MTA3: variants seen among roughly 807,000 people sequenced by gnomAD.
MTA3 encodes the protein metastasis-associated protein MTA3.
MTA3 carries 34 observed loss-of-function variants against 83.5 expected under a neutral mutation model. That is an observed-to-expected ratio of 0.41 (90% CI 0.31 to 0.54). MTA3 has a LOEUF of 0.54. Ranked by LOEUF, MTA3 falls within the 20% of genes least tolerant of loss-of-function variation. The pLI, the probability that MTA3 is intolerant of heterozygous loss-of-function variation, is 0.33. For missense variants in MTA3, 761 were observed against 726.4 expected, an observed-to-expected ratio of 1.05 and a Z score of -0.55; for synonymous variants, 303 against 252.7, an observed-to-expected ratio of 1.20 and a Z score of -1.89.
chr2:42,581,360 CTTTTTTTTTTTTTTT>C (rs778419810), intron 3 of MTA3, among the ~76,000 whole-genome samples: 2 of 88,266 alleles, frequency 2.3e-5, no homozygotes, highest in African/African-American at 9.0e-5. Flanking sequence ...TCCCAAATTG[CTTTTTTTTTTTTTTT>C]TTTTTTTTTT....
intron 8 of MTA3, among the ~76,000 whole-genome samples, chr2:42,670,950 G>A (rs1015579854): frequency 2.0e-5 from 3 of 151,764 alleles, no homozygotes; most frequent in Non-Finnish European, 4.4e-5. Context: ...ATTCAGATTT[G>A]TTAGTTGTCC....
intron 2 of MTA3, among the ~76,000 whole-genome samples, chr2:42,496,125 C>G (rs1334917162): frequency 6.6e-6 from 1 of 152,166 alleles, no homozygotes; most frequent in Admixed American, 6.5e-5. Flanking sequence ...TAGAATCCTT[C>G]TACTGTCTGT....
intron 3 of MTA3, among the ~76,000 whole-genome samples, chr2:42,606,898 C>G (rs1374679549): frequency 1.4e-5 from 2 of 147,768 alleles, no homozygotes; most frequent in African/African-American, 2.5e-5. Context: ...GCCAACACAG[C>G]GAAACCCCGT....
chr2:42,611,800 G>T (rs1330955274), intron 4 of MTA3, among the ~76,000 whole-genome samples: 1 of 152,178 alleles, frequency 6.6e-6, no homozygotes, highest in Non-Finnish European at 1.5e-5. Flanking sequence ...GGGGGACAGA[G>T]TGAGACCCTA....
At chr2:42,671,620 G>T (rs1410611179) in intron 8 of MTA3, among the ~76,000 whole-genome samples, 1 of 152,068 alleles carries the variant, frequency 6.6e-6, no homozygotes, top group South Asian at 2.1e-4. Context: ...ATATCTTTTA[G>T]TATGTAGTAT....
intron 8 of MTA3, among the ~76,000 whole-genome samples, chr2:42,672,619 C>T (rs4444592): frequency 0.78 from 104,500 of 134,630 alleles, 40,869 homozygotes; most frequent in African/African-American, 0.89. Context: ...AACTCTAGCC[C>T]GGGTCACAGA....
At chr2:42,711,775 A>AGTGTGTGTGTGTGT (rs372997456) in intron 14 of MTA3, among the ~76,000 whole-genome samples, 1,564 of 139,374 alleles carry the variant, frequency 0.011, 34 homozygotes, top group African/African-American at 0.042. Flanking sequence ...TGTATAGGAG[A>AGTGTGTGTGTGTGT]GAGAGAGAGT....
chr2:42,539,284 G>A (rs1019731314), intron 2 of MTA3, among the ~76,000 whole-genome samples: 9 of 152,098 alleles, frequency 5.9e-5, no homozygotes, highest in South Asian at 2.1e-4. Context: ...TTACAGTTCC[G>A]CAGGGCTGGG....
At position 42,537,442 on chromosome 2, in the gene MTA3, G is replaced by C. The variant is rs556989198; in HGVS notation, c.-140-32995G>C. Among the ~76,000 whole-genome samples, 3 of 152,080 alleles carry C rather than the reference G, an allele frequency of 2.0e-5. No individual in the cohort carries two copies. In the South Asian group the frequency reaches 6.2e-4, roughly 32 times the overall value. ...TAGCTGGGCATAGTGGTGGGTGCCTGTAATCCCCACTACTCGGGAGGCTGA... is the reference window on the plus strand; with the variant it reads ...TAGCTGGGCATAGTGGTGGGTGCCTCTAATCCCCACTACTCGGGAGGCTGA... On this transcript the variant is annotated intron_variant, in intron 2 of 17. Transcript: ENST00000405592.
In MTA3 at chr2:42,594,705, C is replaced by CATAT. The variant is rs1167117095; in HGVS notation, c.191-14732_191-14729dup. Among the ~76,000 whole-genome samples the CATAT allele has an allele frequency of 3.7e-3, 173 of 46,386 alleles. 4 individuals carry two copies. The highest frequency in any genetic ancestry group is 9.3e-3 in the East Asian group (16 of 1,726). The allele number at this position is 46,386 out of a possible 152,430, so 30.4% of individuals were successfully genotyped here. The stretch of plus-strand genomic sequence containing the variant: ...ATACATATATACATATATAAATATA[C>CATAT]ATATATATATATATATATATATATT... On this transcript the variant is annotated intron_variant, in intron 3 of 16. Transcript: ENST00000405094.
At chr2:42,518,384 A>G (rs1675254070) in intron 2 of MTA3, among the ~76,000 whole-genome samples, 1 of 152,192 alleles carries the variant, frequency 6.6e-6, no homozygotes, top group South Asian at 2.1e-4. Flanking sequence ...ACAGACAAAC[A>G]AATAAAACAA....
intron 4 of MTA3, among the ~76,000 whole-genome samples, chr2:42,614,634 C>G (rs569726184): frequency 1.6e-3 from 240 of 151,624 alleles, no homozygotes; most frequent in Non-Finnish European, 2.7e-3. Flanking sequence ...ATATATAACC[C>G]AGTCTTATAT....
At chr2:42,586,557 A>AACACACACACACACACACACAC (rs68029790) in intron 3 of MTA3, among the ~76,000 whole-genome samples, 1 of 125,946 alleles carries the variant, frequency 7.9e-6, no homozygotes, top group Admixed American at 7.9e-5. Flanking sequence ...AAGGAAGGAA[A>AACACACACACACACACACACAC]ACACACACAC....
At chr2:42,555,345 C>T (rs1677327688) in intron 2 of MTA3, among the ~76,000 whole-genome samples, 1 of 148,366 alleles carries the variant, frequency 6.7e-6, no homozygotes, top group Non-Finnish European at 1.5e-5. Context: ...ATCCCAGCTA[C>T]TCGGGAGGCT....
intron 4 of MTA3, among the ~76,000 whole-genome samples, chr2:42,617,144 GGA>G (rs1376407451): frequency 6.6e-6 from 1 of 152,190 alleles, no homozygotes; most frequent in Non-Finnish European, 1.5e-5. Flanking sequence ...GAATTATTTA[GGA>G]GAGAGAATAC....
intron 12 of MTA3, among the ~76,000 whole-genome samples, chr2:42,706,681 A>C (rs1666115509): frequency 6.6e-6 from 1 of 152,206 alleles, no homozygotes; most frequent in Admixed American, 6.5e-5. Flanking sequence ...TAAACTTCAG[A>C]TCTATCACAC....
intron 16 of MTA3, among the ~76,000 whole-genome samples, chr2:42,748,913 C>T (rs1384336512): frequency 6.6e-6 from 1 of 152,216 alleles, no homozygotes. Context: ...TTAAGCCTCA[C>T]ATATTTCAAT....
chr2:42,495,601 AG>A (rs912652109), intron 2 of MTA3, among the ~76,000 whole-genome samples: 6 of 152,206 alleles, frequency 3.9e-5, no homozygotes, highest in African/African-American at 1.4e-4. Context: ...AAACATTCCT[AG>A]TAGCAAAATC....
At chr2:42,508,931 G>A (rs995707466) in intron 2 of MTA3, among the ~76,000 whole-genome samples, 2 of 149,414 alleles carry the variant, frequency 1.3e-5, no homozygotes, top group South Asian at 2.1e-4. Flanking sequence ...GGGGAAAGGG[G>A]TTATACATCT....
Sources: allele counts gnomAD v4.1 joint callset (sites outside exome capture counted in the v4.1 genomes callset), GRCh38; gene constraint gnomAD v4.1.1; transcripts MANE v1.5; gene names NCBI Gene and HGNC (gene_info 2026-07-23, HGNC 2026-07-21).